MINDY4: variants seen among roughly 807,000 people sequenced by gnomAD.
The protein encoded by MINDY4 is MINDY lysine 48 deubiquitinase 4.
A neutral mutation model predicts 87.0 loss-of-function variants in MINDY4; 68 were observed. The observed-to-expected ratio is 0.78, with a 90% CI of 0.64 to 0.96. The LOEUF (loss-of-function observed/expected upper bound fraction) is 0.96, where lower values mean the gene tolerates loss of function less well. Among genes scored for constraint, MINDY4 ranks in the 40% least tolerant of loss-of-function variants. The pLI is 0.00. For missense variants in MINDY4, 919 were observed against 928.2 expected (o/e 0.99, Z 0.13); for synonymous variants, 379 against 363.2 (o/e 1.04, Z -0.50).
In MINDY4 at chr7:30,771,547, C is replaced by T. The variant is rs561884835; in HGVS notation, c.54C>T (p.Leu18=). The T allele has an allele frequency of 1.2e-5, 20 of 1,600,740 alleles. No homozygotes were observed. The highest frequency in any genetic ancestry group is 1.7e-5 in the Admixed American group (1 of 57,468). Residue 18 remains leucine, a synonymous_variant, in exon 1 of 18, where the codon CTC becomes CTT. Coordinates refer to ENST00000265299, the MANE Select transcript of MINDY4 (RefSeq NM_032222.3). ...EVAASLVREF[L]SRKGLKKTCV... The stretch of plus-strand genomic sequence containing the variant: ...CCGCCTCCTTGGTCAGGGAGTTCCT[C>T]AGCAGAAAGGTAACGGCTCGCCCCC...
intron 5 of MINDY4, among the ~76,000 whole-genome samples, chr7:30,820,530 C>G (rs150052131): frequency 2.6e-5 from 4 of 152,276 alleles, no homozygotes; most frequent in Non-Finnish European, 5.9e-5. Context: ...CATTCCTCCC[C>G]CAACCCCCAG....
intron 14 of MINDY4, among the ~76,000 whole-genome samples, chr7:30,874,000 A>G (rs1790187029): frequency 6.6e-6 from 1 of 152,154 alleles, no homozygotes; most frequent in African/African-American, 2.4e-5. Flanking sequence ...GGGCAGGGGT[A>G]TTGGTGTTAA....
At chr7:30,827,169 A>T (rs1380540007) in intron 5 of MINDY4, among the ~76,000 whole-genome samples, 1 of 152,112 alleles carries the variant, frequency 6.6e-6, no homozygotes, top group Non-Finnish European at 1.5e-5. Flanking sequence ...TGTTGGAGAG[A>T]TGTCTTTGCT....
intron 5 of MINDY4, among the ~76,000 whole-genome samples, chr7:30,826,977 C>T (rs1788534287): frequency 6.6e-6 from 1 of 152,110 alleles, no homozygotes; most frequent in East Asian, 1.9e-4. Context: ...GCTTCAGTGT[C>T]GTGGTCAGAT....
At position 30,828,722 on chromosome 7, in the gene MINDY4, G is replaced by C. The variant is rs541887352; in HGVS notation, c.1117G>C (p.Gly373Arg). 4 of 1,613,318 alleles carry C rather than the reference G, an allele frequency of 2.5e-6. No individual in the cohort carries two copies. Among genetic ancestry groups the C allele is most frequent in the Non-Finnish European group, 3.4e-6 (4 of 1,180,030 alleles). The change falls in exon 6 of 18, where the codon GGT becomes CGT. Residue 373 changes from glycine (G) to arginine (R), a missense_variant. Transcript: ENST00000265299. Reference sequence around the variant, plus strand: ...GTCTGACAAGGTGGATGGTGAGCTGGGTGCCCTGCGGCTCGGTAGGTGCAG... The same window carrying C: ...GTCTGACAAGGTGGATGGTGAGCTGCGTGCCCTGCGGCTCGGTAGGTGCAG... Reference protein sequence around the residue: ...LPSDKVDGELGALRLEDVEDE... With the variant: ...LPSDKVDGELRALRLEDVEDE...
intron 6 of MINDY4, among the ~76,000 whole-genome samples, chr7:30,830,416 A>G (rs1246836981): frequency 6.6e-6 from 1 of 152,192 alleles, no homozygotes; most frequent in Admixed American, 6.5e-5. Flanking sequence ...ATAAAGACAT[A>G]CCAGAAACTG....
At chr7:30,807,386 C>T (rs2128557164) in intron 5 of MINDY4, among the ~76,000 whole-genome samples, 1 of 152,280 alleles carries the variant, frequency 6.6e-6, no homozygotes, top group Non-Finnish European at 1.5e-5. Context: ...AGCTCCCTAA[C>T]AGATCTCAAG....
chr7:30,875,701 T>C (rs1790238150), intron 15 of MINDY4, 45 bp downstream of exon 15: 1 of 1,558,034 alleles, frequency 6.4e-7, no homozygotes, highest in Non-Finnish European at 8.7e-7. Flanking sequence ...AGCCTGACTC[T>C]CTGGAGCAAT....
chr7:30,845,173 C>T (rs906689467), intron 9 of MINDY4, among the ~76,000 whole-genome samples: 1 of 152,156 alleles, frequency 6.6e-6, no homozygotes, highest in African/African-American at 2.4e-5. Context: ...TGGACACCCA[C>T]ACAGACTCCT....
chr7:30,860,133 G>C (rs536781678), intron 13 of MINDY4, among the ~76,000 whole-genome samples: 2 of 152,296 alleles, frequency 1.3e-5, no homozygotes, highest in South Asian at 4.1e-4. Context: ...GGATGCAGGT[G>C]GGGTAGGACT....
intron 11 of MINDY4, among the ~76,000 whole-genome samples, chr7:30,852,856 G>A (rs1260131721): frequency 2.6e-5 from 4 of 152,136 alleles, no homozygotes; most frequent in Non-Finnish European, 5.9e-5. Context: ...ATTTGACCTC[G>A]GTTTGGGCAC....
chr7:30,793,012 T>C (rs1787370589), intron 5 of MINDY4, among the ~76,000 whole-genome samples: 1 of 150,896 alleles, frequency 6.6e-6, no homozygotes, highest in Non-Finnish European at 1.5e-5. Context: ...CATATTCGTA[T>C]AACTTAGTTA....
intron 1 of MINDY4, among the ~76,000 whole-genome samples, chr7:30,774,931 A>G (rs1019592558): frequency 6.6e-6 from 1 of 151,968 alleles, no homozygotes; most frequent in African/African-American, 2.4e-5. Flanking sequence ...TATGCTGACA[A>G]TTCCCAAATG....
At chr7:30,839,388 G>A (rs1232294966) in intron 8 of MINDY4, 72 bp downstream of exon 8, 11 of 919,400 alleles carry the variant, frequency 1.2e-5, no homozygotes, top group Non-Finnish European at 1.7e-5. Flanking sequence ...GTACCTCCCA[G>A]TTTTGGTTAA....
At chr7:30,787,600 T>A (rs1177914786) in intron 4 of MINDY4, among the ~76,000 whole-genome samples, 1 of 152,188 alleles carries the variant, frequency 6.6e-6, no homozygotes, top group African/African-American at 2.4e-5. Flanking sequence ...GGTGTAGCCT[T>A]GCCTAGTAGC....
chr7:30,785,770 T>G lies in MINDY4; in HGVS notation c.441T>G (p.Asp147Glu). 1 of 1,614,214 alleles carries G rather than the reference T, an allele frequency of 6.2e-7. No homozygotes were observed. The highest frequency in any genetic ancestry group is 1.6e-4 in the Middle Eastern group (1 of 6,062). Reference protein sequence around the residue: ...SKARHDNLDGDVLGNFVSSKR... With the variant: ...SKARHDNLDGEVLGNFVSSKR... The stretch of plus-strand genomic sequence containing the variant: ...ACAGACATGACAATCTTGATGGAGA[T>G]GTACTTGGTAATTTTGTATCATCTA... Residue 147 changes from aspartate to glutamate, a missense_variant, in exon 4 of 18, where the codon GAT becomes GAG. Coordinates refer to ENST00000265299, the MANE Select transcript of MINDY4 (RefSeq NM_032222.3).
intron 9 of MINDY4, among the ~76,000 whole-genome samples, chr7:30,848,496 GGAGTCACATTTGTGGGTTCT>G (rs1465119423): frequency 1.3e-5 from 2 of 152,208 alleles, no homozygotes; most frequent in Non-Finnish European, 2.9e-5. Flanking sequence ...TGGGGGTGAT[GGAGTCACATTTGTGGGTTCT>G]GAGTCCAGTC....
intron 9 of MINDY4, among the ~76,000 whole-genome samples, chr7:30,845,098 G>A (rs1445772162): frequency 6.6e-6 from 1 of 152,210 alleles, no homozygotes; most frequent in African/African-American, 2.4e-5. Context: ...AAGAGGCATG[G>A]AGCAGTGGGG....
In MINDY4 at chr7:30,839,260, C is replaced by T; in HGVS notation, c.1300C>T (p.Gln434Ter). 1.2e-6 allele frequency: 2 copies of T among 1,612,754 alleles called. No individual in the cohort carries two copies. The highest frequency in any genetic ancestry group is 2.2e-5 in the East Asian group (1 of 44,858). ...CTGTTTCAATGAAGAATGGAAACTTCAGAGTTTTTCCTTTAGTAACACAGC... is the reference window on the plus strand; with the variant it reads ...CTGTTTCAATGAAGAATGGAAACTTTAGAGTTTTTCCTTTAGTAACACAGC... ...FCCFNEEWKL[Q>*]SFSFSNTASL... Residue 434 changes from glutamine (Q) to a stop codon, truncating the protein, a stop_gained, in exon 8 of 18, where the codon CAG (glutamine) becomes TAG (stop). Transcript: ENST00000265299. LOFTEE classifies it high-confidence loss of function.
Sources: allele counts gnomAD v4.1 joint callset (sites outside exome capture counted in the v4.1 genomes callset), GRCh38; gene constraint gnomAD v4.1.1; transcripts MANE v1.5; gene names NCBI Gene and HGNC (gene_info 2026-07-23, HGNC 2026-07-21).